The following ZFTRAF1 variants were observed in gnomAD, a reference collection of about 807,000 sequenced individuals.
ZFTRAF1 encodes zinc finger TRAF-type and ring finger containing 1, also known as zinc finger TRAF-type-containing protein 1.
the ZFTRAF1 span, chr8:144,454,259 CT>C: frequency 6.6e-6 from 1 of 152,304 alleles, no homozygotes; most frequent in African/African-American, 2.4e-5. Context: ...CGAGCGTCCA[CT>C]TGGTGCCACT....
At chr8:144,451,981 G>A in the ZFTRAF1 span, 2 of 329,642 alleles carry the variant, frequency 6.1e-6, no homozygotes, top group Admixed American at 4.0e-5. Flanking sequence ...GGGTCCGAGG[G>A]GCAGGCCCCT....
the ZFTRAF1 span, chr8:144,454,499 C>T: frequency 1.3e-5 from 2 of 152,292 alleles, no homozygotes; most frequent in East Asian, 3.8e-4. Context: ...TCTTAGAGCT[C>T]GCTGAGGGGA....
the ZFTRAF1 span, chr8:144,462,649 G>C: frequency 1.4e-5 from 2 of 142,854 alleles, no homozygotes; most frequent in African/African-American, 5.1e-5. Flanking sequence ...CCTCGGCGCC[G>C]GACATAGCGG....
chr8:144,456,859 A>G, the ZFTRAF1 span: 36 of 147,794 alleles, frequency 2.4e-4, no homozygotes, highest in Admixed American at 2.0e-3. Flanking sequence ...ATTGCAGGGG[A>G]ATTGCATCAT....
At chr8:144,455,829 C>G in the ZFTRAF1 span, 1 of 152,266 alleles carries the variant, frequency 6.6e-6, no homozygotes, top group South Asian at 2.1e-4. Context: ...CTAGACCCTC[C>G]TAAGGGAGCA....
chr8:144,453,556 G>A, the ZFTRAF1 span: 1 of 1,162,316 alleles, frequency 8.6e-7, no homozygotes, highest in Non-Finnish European at 1.2e-6. Flanking sequence ...GGTGTCCTGA[G>A]GGACTCCAGC....
At chr8:144,452,619 C>T in the ZFTRAF1 span, 1 of 1,494,824 alleles carries the variant, frequency 6.7e-7, no homozygotes, top group Non-Finnish European at 9.0e-7. Flanking sequence ...GAACAGGAGG[C>T]TGCAACAAGC....
the ZFTRAF1 span, among the ~76,000 whole-genome samples, chr8:144,461,431 G>A: frequency 1.3e-5 from 2 of 152,298 alleles, no homozygotes; most frequent in East Asian, 1.9e-4. Context: ...CCTGGGAAAG[G>A]GCATGTCAAA....
chr8:144,450,294 C>T, the ZFTRAF1 span: 1 of 658,988 alleles, frequency 1.5e-6, no homozygotes, highest in Non-Finnish European at 2.8e-6. Flanking sequence ...TCAGATAGTC[C>T]TGTGAAGCAG....
chr8:144,453,742 A>C, the ZFTRAF1 span: 3,101 of 376,402 alleles, frequency 8.2e-3, 26 homozygotes, highest in Middle Eastern at 0.015. Flanking sequence ...TGACGGGTTC[A>C]GCCACCTGGG....
chr8:144,460,721 A>G, the ZFTRAF1 span, among the ~76,000 whole-genome samples: 1 of 152,182 alleles, frequency 6.6e-6, no homozygotes, highest in Non-Finnish European at 1.5e-5. Flanking sequence ...CGTCTCTACT[A>G]AAAAATACAA....
the ZFTRAF1 span, chr8:144,451,051 G>A: frequency 1.3e-5 from 5 of 398,294 alleles, no homozygotes; most frequent in South Asian, 4.9e-5. Context: ...CCCGACCCAC[G>A]CTGGCCTCCC....
At chr8:144,453,522 G>A in the ZFTRAF1 span, 13 of 1,410,606 alleles carry the variant, frequency 9.2e-6, no homozygotes, top group Admixed American at 2.1e-5. Context: ...GCACACACCC[G>A]CCCATGCCCA....
the ZFTRAF1 span, chr8:144,453,585 G>T: frequency 1.2e-6 from 1 of 835,960 alleles, no homozygotes; most frequent in Non-Finnish European, 1.9e-6. Flanking sequence ...AGGGGCGCAC[G>T]TGCCTGTCCC....
the ZFTRAF1 span, among the ~76,000 whole-genome samples, chr8:144,459,658 G>A: frequency 6.6e-6 from 1 of 152,212 alleles, no homozygotes; most frequent in Non-Finnish European, 1.5e-5. Flanking sequence ...AAGCTCTCGA[G>A]TTACTGAGGA....
the ZFTRAF1 span, chr8:144,453,779 G>C: frequency 3.3e-6 from 1 of 304,348 alleles, no homozygotes; most frequent in Non-Finnish European, 6.3e-6. Flanking sequence ...TTCCCTTAGG[G>C]ACCAGCGACT....
chr8:144,450,926 A>C, the ZFTRAF1 span, among the ~76,000 whole-genome samples: 1 of 152,152 alleles, frequency 6.6e-6, no homozygotes. Context: ...AGCCAAACGC[A>C]ACTATGGCAA....
chr8:144,456,173 C>T, the ZFTRAF1 span: 1 of 152,904 alleles, frequency 6.5e-6, no homozygotes, highest in Non-Finnish European at 1.5e-5. Flanking sequence ...GACACAGCCA[C>T]ACTCACCCCC....
the ZFTRAF1 span, chr8:144,451,323 C>T: frequency 6.5e-6 from 1 of 154,690 alleles, no homozygotes; most frequent in East Asian, 1.9e-4. Flanking sequence ...CGGCAAGTCC[C>T]TCCGTGGAGG....
Sources: gnomAD v4.1 joint callset for allele counts (sites outside exome capture counted in the v4.1 genomes callset) on GRCh38, gnomAD v4.1.1 for gene constraint, MANE v1.5 for transcripts, NCBI Gene and HGNC (gene_info 2026-07-23, HGNC 2026-07-21) for gene names.